BMP8B: variants seen among roughly 807,000 people sequenced by gnomAD.
BMP8B encodes the protein bone morphogenetic protein 8 (osteogenic protein 2).
Under a neutral mutation model 30.3 loss-of-function variants are expected in BMP8B, and 17 were observed. The ratio of observed to expected loss-of-function variants is 0.56; its 90% CI spans 0.38 to 0.84. The LOEUF is 0.84. Among genes scored for constraint, BMP8B ranks in the 40% least tolerant of loss-of-function variants. BMP8B has a pLI of 0.00. For synonymous variants in BMP8B, 131 were observed against 214.7 expected (o/e 0.61, Z 3.41); for missense variants, 253 against 494.6 (o/e 0.51, Z 4.63).
In BMP8B at chr1:39,771,070, C is replaced by G; in HGVS notation, c.673+3238G>C. ...CGGGGATCCCGCAGAGCCCGAAGCCCCCGATCATGACGGTCGCCCCGTCAG... is the reference window on the plus strand; with the variant it reads ...CGGGGATCCCGCAGAGCCCGAAGCCGCCGATCATGACGGTCGCCCCGTCAG... On this transcript the variant is annotated intron_variant, in intron 3 of 6. Coordinates refer to ENST00000372827, the MANE Select transcript of BMP8B (RefSeq NM_001720.5). 4.6e-6 allele frequency: 7 copies of G among 1,536,980 alleles called. 1 individual carries two copies. The highest frequency in any genetic ancestry group is 6.1e-6 in the Non-Finnish European group (7 of 1,138,256).
chr1:39,786,584 G>C (rs1323497587), intron 1 of BMP8B, among the ~76,000 whole-genome samples: 1 of 152,174 alleles, frequency 6.6e-6, no homozygotes, highest in African/African-American at 2.4e-5. Flanking sequence ...ATGTGGGCTG[G>C]GTGGTGACGC....
intron 1 of BMP8B, among the ~76,000 whole-genome samples, chr1:39,777,675 G>A (rs1376220267): frequency 6.6e-6 from 1 of 152,148 alleles, no homozygotes; most frequent in Non-Finnish European, 1.5e-5. Flanking sequence ...CCAAAAAGTG[G>A]GACTTCAAAA....
chr1:39,783,973 C>T (rs1650820126), intron 1 of BMP8B, among the ~76,000 whole-genome samples: 1 of 152,210 alleles, frequency 6.6e-6, no homozygotes, highest in African/African-American at 2.4e-5. Flanking sequence ...CCATTCAACA[C>T]AGTCCATTTC....
At chr1:39,786,184 T>C (rs1009139456) in intron 1 of BMP8B, among the ~76,000 whole-genome samples, 20 of 152,228 alleles carry the variant, frequency 1.3e-4, no homozygotes, top group African/African-American at 4.6e-4. Flanking sequence ...AAAGTTCACA[T>C]GCTACTTTTC....
chr1:39,777,246 C>T (rs1650297048), intron 1 of BMP8B, among the ~76,000 whole-genome samples: 1 of 152,206 alleles, frequency 6.6e-6, no homozygotes, highest in African/African-American at 2.4e-5. Context: ...GTTCCATAAG[C>T]ACCTCTAAAT....
At position 39,769,443 on chromosome 1, in the gene BMP8B, C is replaced by T. The variant is rs1649795375; in HGVS notation, c.674-4626G>A. 11 of 413,944 alleles carry T rather than the reference C, an allele frequency of 2.7e-5. No homozygotes were observed. The East Asian group carries it at 4.5e-4, about 17-fold the overall frequency. The allele number at this position is 413,944 out of a possible 1,614,324, so 25.6% of individuals were successfully genotyped here. The stretch of plus-strand genomic sequence containing the variant: ...AGCTGTGCACGCTCTGTGTAAACAT[C>T]ACAGAGCAAAGCGGACATCCATTCC... On this transcript the variant is annotated intron_variant, in intron 3 of 6. Coordinates refer to ENST00000372827, the MANE Select transcript of BMP8B (RefSeq NM_001720.5).
chr1:39,777,975 GC>G (rs1224826094), intron 1 of BMP8B, among the ~76,000 whole-genome samples: 3 of 152,222 alleles, frequency 2.0e-5, no homozygotes, highest in African/African-American at 7.2e-5. Context: ...GCCTCTCCCG[GC>G]CCCCATGCCA....
In BMP8B at chr1:39,760,294, G is replaced by C; in HGVS notation, c.*125C>G. On this transcript the variant is annotated 3_prime_UTR_variant, in exon 7 of 7. Transcript: ENST00000372827. The stretch of plus-strand genomic sequence containing the variant: ...GCATGAAGGAGAAAGGGTCATGTAC[G>C]TGGTTGTGAGGGTCCTCCCTGGCAA... 1.4e-6 allele frequency: 2 copies of C among 1,433,998 alleles called. No homozygotes were observed. Among genetic ancestry groups the C allele is most frequent in the Non-Finnish European group, 1.9e-6 (2 of 1,061,770 alleles). 88.8% of individuals were successfully genotyped at this position (1,433,998 alleles called of 1,614,324 possible).
At chr1:39,771,015 G>C (rs1203207366) in intron 3 of BMP8B, 1 of 1,485,774 alleles carries the variant, frequency 6.7e-7, no homozygotes, top group African/African-American at 1.4e-5. Context: ...TCTTTCACGC[G>C]GGTCCTGAGC....
rs115010671 is a variant in BMP8B, at chr1:39,761,861, C to T, written c.1059+1231G>A. Reference sequence around the variant, plus strand: ...TTTTGCTTTGGACAAACCAACAAACCGACAGCCTCCCCTAGAGCGCAGCGC... The same window carrying T: ...TTTTGCTTTGGACAAACCAACAAACTGACAGCCTCCCCTAGAGCGCAGCGC... On this transcript the variant is annotated intron_variant, in intron 6 of 6. Coordinates refer to ENST00000372827, the MANE Select transcript of BMP8B (RefSeq NM_001720.5). 2.3e-3 allele frequency among the ~76,000 whole-genome samples: 357 copies of T among 152,336 alleles called. 1 individual carries two copies. Among genetic ancestry groups the T allele is most frequent in the African/African-American group, 7.9e-3 (330 of 41,578 alleles).
chr1:39,779,909 C>G (rs1231163684), intron 1 of BMP8B, among the ~76,000 whole-genome samples: 3 of 149,788 alleles, frequency 2.0e-5, no homozygotes, highest in Non-Finnish European at 3.0e-5. Flanking sequence ...CTGGGTAGGT[C>G]TGGATCAGGG....
chr1:39,785,386 C>T (rs527981851), intron 1 of BMP8B, among the ~76,000 whole-genome samples: 1 of 150,446 alleles, frequency 6.6e-6, no homozygotes, highest in African/African-American at 2.4e-5. Flanking sequence ...GATGACAGGC[C>T]AGGCAGGGCC....
At position 39,788,471 on chromosome 1, in the gene BMP8B, G is replaced by T. The variant is rs1224504728; in HGVS notation, c.15C>A (p.Pro5=). 2.3e-5 allele frequency: 23 copies of T among 1,022,130 alleles called. No homozygotes were observed. The East Asian group carries it at 2.0e-3, about 88-fold the overall frequency. 63.3% of individuals were successfully genotyped at this position (1,022,130 alleles called of 1,614,324 possible). A position where few individuals can be genotyped will look rare whatever the true frequency, so the allele number is the denominator to read the frequency against. The change falls in exon 1 of 7, where the codon CCC becomes CCA. Residue 5 remains proline, a synonymous_variant. Transcript: ENST00000372827. The surrounding 1 kb of genome is among the most constrained non-coding windows in gnomAD (Gnocchi z 5.8). The part of the protein sequence containing the change: MTAL[P]GPLWLLGLAL... The stretch of plus-strand genomic sequence containing the variant: ...CCAGGCCCAGGAGCCAGAGCGGGCC[G>T]GGGAGCGCGGTCATGGCAGGCCGGG...
Position 39,770,515 on chromosome 1 carries a change from C to G in BMP8B, c.673+3793G>C, listed in dbSNP as rs745672114. The stretch of plus-strand genomic sequence containing the variant: ...GGGGGAAAGCCCCCACCTCCACGAT[C>G]TCTTCCACCTCCACCGCCGTGACGT... On this transcript the variant is annotated intron_variant, in intron 3 of 6. Coordinates refer to ENST00000372827, the MANE Select transcript of BMP8B (RefSeq NM_001720.5). 10 of 1,610,324 alleles carry G rather than the reference C, an allele frequency of 6.2e-6. 2 individuals are homozygous for G. In the East Asian group the frequency reaches 2.3e-4, roughly 37 times the overall value.
chr1:39,769,777 G>C (rs143322993), intron 3 of BMP8B: 22 of 1,612,808 alleles, frequency 1.4e-5, no homozygotes, highest in Non-Finnish European at 1.6e-5. Context: ...TTTTGATGTC[G>C]TCCACCGTCA....
chr1:39,788,259 A>T lies in BMP8B; in HGVS notation c.227T>A (p.Phe76Tyr), dbSNP rs1569878011. The T allele has an allele frequency of 3.4e-6, 5 of 1,486,042 alleles. No homozygotes were observed. In the East Asian group the frequency reaches 1.4e-4, roughly 41 times the overall value. 92.1% of individuals were successfully genotyped at this position (1,486,042 alleles called of 1,614,324 possible). A position where few individuals can be genotyped will look rare whatever the true frequency, so the allele number is the denominator to read the frequency against. ...CATGGCGTGGTACAGGTCCAGCATG[A>T]AGAGCGGCGCGGACGCGGGCAGCCG... ...ASRLPASAPLFMLDLYHAMAG... is the reference protein window; with the variant it reads ...ASRLPASAPLYMLDLYHAMAG... The change falls in exon 1 of 7, where the codon TTC (phenylalanine) becomes TAC (tyrosine). Residue 76 changes from phenylalanine (F) to tyrosine (Y), a missense_variant. Transcript: ENST00000372827. The surrounding 1 kb of genome is among the most constrained non-coding windows in gnomAD (Gnocchi z 5.8).
intron 6 of BMP8B, chr1:39,762,296 G>A (rs781622732): frequency 1.0e-5 from 5 of 488,124 alleles, no homozygotes; most frequent in African/African-American, 2.0e-5. Context: ...TGAACTTCTG[G>A]GCTCGTGTGC....
chr1:39,771,284 G>T, intron 3 of BMP8B: 1 of 1,492,636 alleles, frequency 6.7e-7, no homozygotes, highest in Admixed American at 2.4e-5. Flanking sequence ...GCCAGGACAG[G>T]TGGTGTGAGC....
At chr1:39,780,573 T>C (rs1650566786) in intron 1 of BMP8B, among the ~76,000 whole-genome samples, 1 of 152,190 alleles carries the variant, frequency 6.6e-6, no homozygotes, top group Non-Finnish European at 1.5e-5. Flanking sequence ...TGATGGGATT[T>C]TCACTTCAGG....
Sources: allele counts gnomAD v4.1 joint callset (sites outside exome capture counted in the v4.1 genomes callset), GRCh38; gene constraint gnomAD v4.1.1; non-coding constraint Gnocchi (gnomAD v3.1); transcripts MANE v1.5; gene names NCBI Gene and HGNC (gene_info 2026-07-23, HGNC 2026-07-21).